LINGO2: variants seen among roughly 807,000 people sequenced by gnomAD.
The protein encoded by LINGO2 is leucine-rich repeat and immunoglobulin-like domain-containing nogo receptor-interacting protein 2.
Under a neutral mutation model 30.6 loss-of-function variants are expected in LINGO2, and 14 were observed. The observed-to-expected ratio is 0.46, with a 90% CI of 0.30 to 0.72. LINGO2 has a LOEUF of 0.72. LINGO2 is among the 30% of genes least tolerant of loss of function. The probability of loss-of-function intolerance (pLI) is 0.07; values close to 1 mark genes in which losing one functional copy is unlikely to be tolerated. For missense variants in LINGO2, 729 were observed against 751.7 expected (o/e 0.97, Z 0.35); for synonymous variants, 317 against 288.5 (o/e 1.10, Z -1.00).
chr9:28,178,541 G>C (rs1472574521), intron 4 of LINGO2, among the ~76,000 whole-genome samples: 3 of 152,060 alleles, frequency 2.0e-5, no homozygotes, highest in African/African-American at 7.2e-5. Flanking sequence ...AATAAGATTT[G>C]ATAACCACAG....
At chr9:27,948,839 A>T (rs201026069) in exon 6 of LINGO2, 7 of 1,595,730 alleles carry the variant, frequency 4.4e-6, no homozygotes, top group Admixed American at 3.5e-5. Flanking sequence ...CAGTAATGTG[A>T]GGGGTGGGCC....
At chr9:28,683,289 G>A in the LINGO2 span, among the ~76,000 whole-genome samples, 22 of 152,030 alleles carry the variant, frequency 1.4e-4, no homozygotes, top group Non-Finnish European at 2.8e-4. Context: ...CAAGATAGAT[G>A]AGCCGAACAC....
chr9:28,328,257 G>C (rs1056913190), intron 3 of LINGO2, among the ~76,000 whole-genome samples: 2 of 152,172 alleles, frequency 1.3e-5, no homozygotes, highest in African/African-American at 4.8e-5. Flanking sequence ...GATAAGTAGA[G>C]ATGGGATATT....
chr9:29,116,239 T>C, the LINGO2 span, among the ~76,000 whole-genome samples: 1 of 151,956 alleles, frequency 6.6e-6, no homozygotes, highest in Non-Finnish European at 1.5e-5. Context: ...CTATACTCTA[T>C]AAAAAATTAC....
chr9:28,100,439 A>T (rs1299231523), intron 4 of LINGO2, among the ~76,000 whole-genome samples: 3 of 152,190 alleles, frequency 2.0e-5, no homozygotes, highest in Non-Finnish European at 4.4e-5. Context: ...AGTAAATGCT[A>T]ACATGGAGAT....
intron 4 of LINGO2, among the ~76,000 whole-genome samples, chr9:28,084,864 T>G (rs948777149): frequency 6.6e-6 from 1 of 152,068 alleles, no homozygotes; most frequent in African/African-American, 2.4e-5. Context: ...AGCCAGGAGT[T>G]ATGATGGATT....
At chr9:28,658,581 T>C (rs1020995303) in intron 1 of LINGO2, among the ~76,000 whole-genome samples, 2 of 152,154 alleles carry the variant, frequency 1.3e-5, no homozygotes, top group Non-Finnish European at 2.9e-5. Flanking sequence ...AACTACTATA[T>C]GCATGGAATA....
chr9:28,029,187 GAC>G (rs954495647), intron 4 of LINGO2, among the ~76,000 whole-genome samples: 14 of 151,722 alleles, frequency 9.2e-5, no homozygotes, highest in African/African-American at 3.2e-4. Context: ...CAAGTGATAA[GAC>G]AATTTTTCAT....
the LINGO2 span, among the ~76,000 whole-genome samples, chr9:28,805,842 T>C: frequency 6.6e-6 from 1 of 152,100 alleles, no homozygotes; most frequent in South Asian, 2.1e-4. Context: ...GCATGGGTTT[T>C]GGAAAAAGTA....
chr9:29,200,072 G>GA, the LINGO2 span, among the ~76,000 whole-genome samples: 1 of 152,102 alleles, frequency 6.6e-6, no homozygotes, highest in Non-Finnish European at 1.5e-5. Context: ...ACAGAAATAG[G>GA]AAAAATGTTT....
the LINGO2 span, among the ~76,000 whole-genome samples, chr9:28,971,151 C>A: frequency 6.6e-6 from 1 of 152,118 alleles, no homozygotes; most frequent in African/African-American, 2.4e-5. Context: ...GAACTCACTG[C>A]CTTAAAGGGA....
At chr9:28,378,600 T>C (rs1821220265) in intron 2 of LINGO2, among the ~76,000 whole-genome samples, 1 of 152,194 alleles carries the variant, frequency 6.6e-6, no homozygotes, top group East Asian at 1.9e-4. Flanking sequence ...CCCTACTGAC[T>C]GATGAGGCTA....
the LINGO2 span, among the ~76,000 whole-genome samples, chr9:28,950,817 T>C: frequency 1.3e-4 from 20 of 152,080 alleles, no homozygotes; most frequent in East Asian, 2.7e-3. Context: ...AAAATGGCCA[T>C]ACTGCCCGAA....
intron 4 of LINGO2, among the ~76,000 whole-genome samples, chr9:28,158,316 C>G (rs1045336862): frequency 6.6e-6 from 1 of 152,176 alleles, no homozygotes; most frequent in African/African-American, 2.4e-5. Context: ...TTACCTCCCA[C>G]TGGGTCCCTC....
intron 2 of LINGO2, among the ~76,000 whole-genome samples, chr9:28,473,093 T>C (rs1825589853): frequency 1.3e-5 from 2 of 152,204 alleles, no homozygotes; most frequent in African/African-American, 4.8e-5. Flanking sequence ...AATGGTCTTG[T>C]TATTTTTTTC....
At chr9:28,392,307 G>A (rs2134694482) in intron 2 of LINGO2, among the ~76,000 whole-genome samples, 1 of 152,272 alleles carries the variant, frequency 6.6e-6, no homozygotes, top group East Asian at 1.9e-4. Context: ...ATGAGGGAAG[G>A]AAGGCTACTT....
At chr9:28,621,706 G>A (rs2135828283) in intron 1 of LINGO2, among the ~76,000 whole-genome samples, 1 of 152,086 alleles carries the variant, frequency 6.6e-6, no homozygotes, top group South Asian at 2.1e-4. Context: ...AAGATACTAT[G>A]TATTCTGTTC....
chr9:28,290,909 T>G (rs1014209072), intron 4 of LINGO2, among the ~76,000 whole-genome samples: 99 of 152,238 alleles, frequency 6.5e-4, no homozygotes, highest in African/African-American at 2.3e-3. Context: ...AAGCATGGGA[T>G]AATTAACTCT....
chr9:28,738,561 T>C, the LINGO2 span, among the ~76,000 whole-genome samples: 1 of 152,096 alleles, frequency 6.6e-6, no homozygotes, highest in Non-Finnish European at 1.5e-5. Context: ...TATGGCGTAT[T>C]TCTGCTTATA....
Sources: allele counts gnomAD v4.1 joint callset (sites outside exome capture counted in the v4.1 genomes callset), GRCh38; gene constraint gnomAD v4.1.1; transcripts MANE v1.5; gene names NCBI Gene and HGNC (gene_info 2026-07-23, HGNC 2026-07-21).